Variants in TP63 observed in about 807,000 individuals in gnomAD.
TP63 encodes tumor protein 63.
TP63 carries 17 observed loss-of-function variants against 82.8 expected under a neutral mutation model. The observed-to-expected ratio is 0.21, with a 90% CI of 0.14 to 0.31. The LOEUF (loss-of-function observed/expected upper bound fraction) is 0.31, where lower values mean the gene tolerates loss of function less well. TP63 is among the 10% of genes least tolerant of loss of function. TP63 has a pLI of 1.00. For missense variants in TP63, 648 were observed against 895.3 expected, an observed-to-expected ratio of 0.72 and a Z score of 3.52; for synonymous variants, 330 against 321.7, an observed-to-expected ratio of 1.03 and a Z score of -0.28.
intron 11 of TP63, among the ~76,000 whole-genome samples, chr3:189,886,760 C>T (rs1057407776): frequency 6.6e-6 from 1 of 152,032 alleles, no homozygotes; most frequent in Non-Finnish European, 1.5e-5. Context: ...GAGATAGGGA[C>T]GGATGTTTCT....
chr3:189,724,081 A>T (rs142948711), intron 1 of TP63, among the ~76,000 whole-genome samples: 381 of 148,628 alleles, frequency 2.6e-3, no homozygotes, highest in African/African-American at 9.1e-3. Context: ...ATTGCAATAT[A>T]CCAGAAAGAA....
At chr3:189,703,791 G>T (rs185741595) in intron 1 of TP63, among the ~76,000 whole-genome samples, 126 of 152,218 alleles carry the variant, frequency 8.3e-4, no homozygotes, top group Admixed American at 2.8e-3. Flanking sequence ...AACTAAGAAA[G>T]TGATCATGAC....
At chr3:189,862,494 G>T (rs988382585) in intron 4 of TP63, among the ~76,000 whole-genome samples, 1 of 152,246 alleles carries the variant, frequency 6.6e-6, no homozygotes, top group Non-Finnish European at 1.5e-5. Flanking sequence ...CTTCTACGCT[G>T]AACACTTAAC....
chr3:189,642,488 T>C (rs1711980236), intron 1 of TP63, among the ~76,000 whole-genome samples: 1 of 152,108 alleles, frequency 6.6e-6, no homozygotes, highest in East Asian at 1.9e-4. Flanking sequence ...CCAATGCGCA[T>C]AGGTTCAAAA....
the TP63 span, among the ~76,000 whole-genome samples, chr3:189,602,112 C>T: frequency 6.6e-6 from 1 of 152,152 alleles, no homozygotes; most frequent in Non-Finnish European, 1.5e-5. Flanking sequence ...CTCTACATCT[C>T]TCCTCTCTTC....
At chr3:189,732,749 C>G (rs559175379) in intron 1 of TP63, among the ~76,000 whole-genome samples, 10 of 152,282 alleles carry the variant, frequency 6.6e-5, no homozygotes, top group African/African-American at 2.2e-4. Flanking sequence ...CCAAAACTTG[C>G]AATTCTTCAA....
intron 3 of TP63, among the ~76,000 whole-genome samples, chr3:189,789,282 C>T (rs1724882402): frequency 6.6e-6 from 1 of 152,004 alleles, no homozygotes; most frequent in Non-Finnish European, 1.5e-5. Flanking sequence ...AAGAAGCCTT[C>T]TAAAAGTTTT....
chr3:189,734,120 T>C (rs201389883), intron 1 of TP63, among the ~76,000 whole-genome samples: 10 of 148,474 alleles, frequency 6.7e-5, no homozygotes, highest in African/African-American at 2.5e-4. Flanking sequence ...CTCTCTCTCT[T>C]TCTCTCTTTC....
intron 1 of TP63, among the ~76,000 whole-genome samples, chr3:189,699,993 G>C (rs975112260): frequency 3.9e-5 from 6 of 152,172 alleles, no homozygotes; most frequent in Non-Finnish European, 5.9e-5. Flanking sequence ...CGCTGATGCT[G>C]TTTGGTGACT....
chr3:189,876,443 C>T (rs1178906682), intron 10 of TP63, among the ~76,000 whole-genome samples: 1 of 152,098 alleles, frequency 6.6e-6, no homozygotes, highest in Non-Finnish European at 1.5e-5. Flanking sequence ...TAAAAGCACA[C>T]AAGATTTTAG....
chr3:189,720,505 C>T (rs1458940334), intron 1 of TP63, among the ~76,000 whole-genome samples: 8 of 151,982 alleles, frequency 5.3e-5, no homozygotes, highest in South Asian at 4.2e-4. Context: ...GAGGCTGAGG[C>T]GGGCAGATCA....
chr3:189,886,996 G>A (rs1440976052), intron 11 of TP63, among the ~76,000 whole-genome samples: 1 of 152,076 alleles, frequency 6.6e-6, no homozygotes, highest in African/African-American at 2.4e-5. Flanking sequence ...ATCACTTGAG[G>A]TCAGGAGTTC....
chr3:189,864,404 G>A lies in TP63; in HGVS notation c.752G>A (p.Arg251His), dbSNP rs1198643405. The A allele has an allele frequency of 1.2e-6, 2 of 1,613,088 alleles. No homozygotes were observed. Among genetic ancestry groups the A allele is most frequent in the Non-Finnish European group, 1.7e-6 (2 of 1,179,344 alleles). ...CGGTGCCCCAACCATGAGCTGAGCC[G>A]TGAATTCAACGAGGGTAAGCAGAAT... is the stretch of plus-strand genomic sequence containing the variant. ...VKRCPNHELS[R>H]EFNEGQIAPP... The change falls in exon 5 of 14, where the codon CGT becomes CAT. Residue 251 changes from arginine to histidine, a missense_variant. Physicochemically the swap from Arg to His is conservative, Grantham distance 29. Coordinates refer to ENST00000264731, the MANE Select transcript of TP63 (RefSeq NM_003722.5).
rs192027052 is a variant in TP63, at chr3:189,645,911, A to T, written c.62+14334A>T. Among the ~76,000 whole-genome samples the T allele has an allele frequency of 8.1e-5, 12 of 147,528 alleles. 1 individual carries two copies. Among genetic ancestry groups the T allele is most frequent in the African/African-American group, 2.8e-4 (11 of 39,520 alleles). On this transcript the variant is annotated intron_variant, in intron 1 of 13. Transcript: ENST00000264731. ...CCACTATGTTGGTTGATGGGCACATAAGCTGATTCCATATTTTTGCATTTG... is the reference window on the plus strand; with the variant it reads ...CCACTATGTTGGTTGATGGGCACATTAGCTGATTCCATATTTTTGCATTTG...
intron 4 of TP63, among the ~76,000 whole-genome samples, chr3:189,838,308 G>A (rs1337420988): frequency 6.6e-6 from 1 of 151,960 alleles, no homozygotes; most frequent in African/African-American, 2.4e-5. Context: ...CTCATAATAG[G>A]TTTGTTTTTA....
At chr3:189,878,598 T>C (rs3928357) in intron 10 of TP63, among the ~76,000 whole-genome samples, 19,808 of 147,966 alleles carry the variant, frequency 0.13, 1,685 homozygotes, top group South Asian at 0.21. Context: ...TTTTTCTTTT[T>C]TTTTTTTTTT....
the TP63 span, among the ~76,000 whole-genome samples, chr3:189,615,759 A>G: frequency 6.6e-6 from 1 of 152,126 alleles, no homozygotes; most frequent in Non-Finnish European, 1.5e-5. Context: ...CTCCTTCCTC[A>G]TGAAGTAGAT....
chr3:189,706,928 A>G (rs1167686118), intron 1 of TP63, among the ~76,000 whole-genome samples: 1 of 151,336 alleles, frequency 6.6e-6, no homozygotes, highest in Non-Finnish European at 1.5e-5. Flanking sequence ...AATTTCTCCT[A>G]CACGCTGAAA....
chr3:189,823,834 G>A (rs561060810), intron 4 of TP63, among the ~76,000 whole-genome samples: 5 of 152,114 alleles, frequency 3.3e-5, no homozygotes, highest in Admixed American at 1.3e-4. Flanking sequence ...CATGCAAACC[G>A]CATGATAGAC....
Sources: allele counts gnomAD v4.1 joint callset (sites outside exome capture counted in the v4.1 genomes callset), GRCh38; gene constraint gnomAD v4.1.1; transcripts MANE v1.5; gene names NCBI Gene and HGNC (gene_info 2026-07-23, HGNC 2026-07-21).